Variants in TMEM232 observed in about 807,000 individuals in gnomAD.
The protein encoded by TMEM232 is transmembrane protein 232.
A neutral mutation model predicts 78.8 loss-of-function variants in TMEM232; 80 were observed. The observed-to-expected ratio is 1.01, with a 90% CI of 0.85 to 1.22. The LOEUF (loss-of-function observed/expected upper bound fraction) is 1.22. Among genes scored for constraint, TMEM232 ranks in the 50% most tolerant of loss-of-function variants. TMEM232 has a pLI of 0.00. For missense variants in TMEM232, 881 were observed against 742.2 expected (o/e 1.19, Z -2.17); for synonymous variants, 297 against 254.3 (o/e 1.17, Z -1.60).
intron 2 of TMEM232, among the ~76,000 whole-genome samples, chr5:110,411,121 GA>G (rs1430716096): frequency 6.6e-6 from 1 of 152,058 alleles, no homozygotes; most frequent in Non-Finnish European, 1.5e-5. Context: ...AAAGGATGTA[GA>G]ACTATCCTAG....
rs577980818 is a variant in TMEM232, at chr5:110,527,392, C to T, written c.1703+1196G>A. ...TCAAATATGGAGCAGGTATTTAAAA[C>T]GCTTGATAATACCTTAGTCAAGTGA... On this transcript the variant is annotated intron_variant, in intron 12 of 13. Transcript: ENST00000455884. 2.2e-4 allele frequency among the ~76,000 whole-genome samples: 33 copies of T among 151,886 alleles called. 1 individual carries two copies. The highest frequency in any genetic ancestry group is 1.0e-3 in the South Asian group (5 of 4,826).
In TMEM232 at chr5:110,523,953, T is replaced by TA. The variant is rs1305762055; in HGVS notation, c.1703+4634dup. Among the ~76,000 whole-genome samples the TA allele has an allele frequency of 7.0e-3, 493 of 70,844 alleles. 16 individuals are homozygous for TA. Among genetic ancestry groups the TA allele is most frequent in the South Asian group, 0.028 (46 of 1,620 alleles). The allele number at this position is 70,844 out of a possible 152,430, so 46.5% of individuals were successfully genotyped here. On this transcript the variant is annotated intron_variant, in intron 12 of 13. Coordinates refer to ENST00000455884, the MANE Select transcript of TMEM232 (RefSeq NM_001039763.4). ...TAGCCTGGGTGACAAAGACTTGGTT[T>TA]AAAAAAAAAAAAAGGGGGGGGGGCG...
intron 2 of TMEM232, among the ~76,000 whole-genome samples, chr5:110,408,482 C>T (rs1755874847): frequency 6.6e-6 from 1 of 151,902 alleles, no homozygotes; most frequent in South Asian, 2.1e-4. Context: ...ATCCCAGCTA[C>T]TAGGGAGGCT....
At chr5:110,700,348 T>C (rs1795288544) in intron 1 of TMEM232, among the ~76,000 whole-genome samples, 1 of 152,050 alleles carries the variant, frequency 6.6e-6, no homozygotes, top group African/African-American at 2.4e-5. Flanking sequence ...GGATGAGCAA[T>C]TGGCCAATGT....
At chr5:110,590,834 C>A (rs1779428197) in intron 10 of TMEM232, among the ~76,000 whole-genome samples, 1 of 152,162 alleles carries the variant, frequency 6.6e-6, no homozygotes, top group Non-Finnish European at 1.5e-5. Flanking sequence ...CAAGCACCTT[C>A]TTCACAAGGC....
chr5:110,665,891 CAAAAAAA>C (rs775392111), intron 2 of TMEM232, among the ~76,000 whole-genome samples: 1 of 63,802 alleles, frequency 1.6e-5, no homozygotes, highest in East Asian at 4.1e-4. Context: ...CCCATCTCCA[CAAAAAAA>C]AAAAAAAAAA....
chr5:110,427,501 A>G (rs1757370439), intron 12 of TMEM232, among the ~76,000 whole-genome samples: 1 of 151,632 alleles, frequency 6.6e-6, no homozygotes, highest in Non-Finnish European at 1.5e-5. Flanking sequence ...TTAAATGAAC[A>G]GTAGAGAGAG....
intron 7 of TMEM232, among the ~76,000 whole-genome samples, chr5:110,618,774 TG>T (rs1313167465): frequency 3.3e-5 from 5 of 152,174 alleles, no homozygotes; most frequent in African/African-American, 1.2e-4. Flanking sequence ...ATTTTTCACA[TG>T]GGTCTCTTGT....
intron 12 of TMEM232, among the ~76,000 whole-genome samples, chr5:110,523,966 A>AAGGG (rs1491096070): frequency 4.8e-5 from 2 of 41,240 alleles, no homozygotes; most frequent in African/African-American, 1.5e-4. Flanking sequence ...AAAAAAAAAA[A>AAGGG]GGGGGGGGGG....
rs561243477 is a variant in TMEM232, at chr5:110,662,212, T to C, written c.125+5016A>G. ...TTAGAAAATACAAATTTTAGAAATC[T>C]ATATATGCATATAATTTATAAATGG... On this transcript the variant is annotated intron_variant, in intron 2 of 13. Transcript: ENST00000455884. 3.3e-5 allele frequency among the ~76,000 whole-genome samples: 5 copies of C among 152,248 alleles called. No homozygotes were observed. The South Asian group carries it at 1.0e-3, about 32-fold the overall frequency.
At chr5:110,661,418 C>T (rs114699821) in intron 2 of TMEM232, among the ~76,000 whole-genome samples, 42,929 of 136,178 alleles carry the variant, frequency 0.32, 7,432 homozygotes, top group African/African-American at 0.62. Flanking sequence ...CTCAAGTAAC[C>T]CCCCCCACCT....
rs1785456638 is a variant in TMEM232, at chr5:110,633,771, C to T, written c.501+4427G>A. Among the ~76,000 whole-genome samples the T allele has an allele frequency of 2.6e-5, 4 of 152,184 alleles. No homozygotes were observed. In the South Asian group the frequency reaches 8.3e-4, roughly 32 times the overall value. On this transcript the variant is annotated intron_variant, in intron 5 of 13. Transcript: ENST00000455884. ...ATAAATTTCCCAGTCTCAGGTGTTT[C>T]TTTATAGCAGTGTGAAAATGGACTA... is the stretch of plus-strand genomic sequence containing the variant.
intron 2 of TMEM232, among the ~76,000 whole-genome samples, chr5:110,645,273 T>C (rs1580481772): frequency 6.6e-6 from 1 of 150,656 alleles, no homozygotes; most frequent in Non-Finnish European, 1.5e-5. Flanking sequence ...ACACTAGGAG[T>C]AAAGAAAACT....
intron 8 of TMEM232, among the ~76,000 whole-genome samples, chr5:110,612,233 A>C (rs1469487810): frequency 1.3e-5 from 2 of 152,180 alleles, no homozygotes; most frequent in East Asian, 3.8e-4. Context: ...AGGTAGCAAA[A>C]GACAAGACTA....
intron 11 of TMEM232, among the ~76,000 whole-genome samples, chr5:110,567,188 C>A (rs1776442025): frequency 6.6e-6 from 1 of 151,600 alleles, no homozygotes; most frequent in South Asian, 2.1e-4. Flanking sequence ...GGGGTCACAG[C>A]CAAACCATAT....
intron 1 of TMEM232, among the ~76,000 whole-genome samples, chr5:110,712,184 T>C (rs1416253589): frequency 2.7e-5 from 4 of 150,764 alleles, no homozygotes; most frequent in African/African-American, 4.9e-5. Flanking sequence ...AGGACATTGG[T>C]CTGGGCAAAA....
At chr5:110,392,661 A>G (rs1171080192) in intron 3 of TMEM232, among the ~76,000 whole-genome samples, 1 of 152,182 alleles carries the variant, frequency 6.6e-6, no homozygotes, top group Non-Finnish European at 1.5e-5. Context: ...AAGGATATTA[A>G]TGACATCATG....
At chr5:110,537,880 C>G (rs1772596705) in intron 11 of TMEM232, among the ~76,000 whole-genome samples, 1 of 152,198 alleles carries the variant, frequency 6.6e-6, no homozygotes. Context: ...GAGAGATGTT[C>G]AATTCATTCT....
chr5:110,564,528 T>C (rs758233980), intron 11 of TMEM232, among the ~76,000 whole-genome samples: 3 of 151,950 alleles, frequency 2.0e-5, no homozygotes, highest in African/African-American at 7.2e-5. Flanking sequence ...TACTGTGTAA[T>C]GGAAAACTTA....
Sources: gnomAD v4.1 joint callset for allele counts (sites outside exome capture counted in the v4.1 genomes callset) on GRCh38, gnomAD v4.1.1 for gene constraint, MANE v1.5 for transcripts, NCBI Gene and HGNC (gene_info 2026-07-23, HGNC 2026-07-21) for gene names.